The following SLC15A3 variants were observed in gnomAD, a reference collection of about 807,000 sequenced individuals.
SLC15A3 encodes the protein osteoclast transporter.
A neutral mutation model predicts 49.2 loss-of-function variants in SLC15A3; 39 were observed. The observed-to-expected ratio is 0.79, with a 90% CI of 0.61 to 1.04. The LOEUF is 1.04. Ranked by LOEUF, SLC15A3 falls within the 50% of genes least tolerant of loss-of-function variation. The pLI, the probability that SLC15A3 is intolerant of heterozygous loss-of-function variation, is 0.00. For synonymous variants in SLC15A3, 339 were observed against 367.0 expected, an observed-to-expected ratio of 0.92 and a Z score of 0.87; for missense variants, 758 against 794.8, an observed-to-expected ratio of 0.95 and a Z score of 0.56.
At chr11:60,946,313 C>G (rs559006550) in intron 2 of SLC15A3, among the ~76,000 whole-genome samples, 3 of 150,984 alleles carry the variant, frequency 2.0e-5, no homozygotes, top group Non-Finnish European at 3.0e-5. Context: ...ACATTCTGTA[C>G]GTAGATGGCA....
chr11:60,947,454 CAGGCGTGA>C (rs1366589495), intron 1 of SLC15A3, among the ~76,000 whole-genome samples: 27 of 152,250 alleles, frequency 1.8e-4, no homozygotes, highest in Non-Finnish European at 3.1e-4. Flanking sequence ...TCTGGGATTA[CAGGCGTGA>C]GCCATCGCGC....
Position 60,937,376 on chromosome 11 carries a change from G to C in SLC15A3, c.1592-3C>G. On this transcript the variant is annotated splice_region_variant and splice_polypyrimidine_tract_variant and intron_variant, in intron 7 of 7. Transcript: ENST00000227880. ...CATCCGGCAATTGTTGATGTTCCCT[G>C]GGGAAAGGAGGGGTTAGATTTGGGT... 2 of 1,614,034 alleles carry C rather than the reference G, an allele frequency of 1.2e-6. No individual in the cohort carries two copies. The highest frequency in any genetic ancestry group is 1.7e-6 in the Non-Finnish European group (2 of 1,179,986).
intron 6 of SLC15A3, among the ~76,000 whole-genome samples, chr11:60,938,526 T>C (rs1369067591): frequency 2.0e-5 from 3 of 152,036 alleles, no homozygotes; most frequent in Admixed American, 2.0e-4. Context: ...GCCAGGAGCA[T>C]CAGTCTAAAG....
chr11:60,950,373 G>T (rs1159916961), intron 1 of SLC15A3, among the ~76,000 whole-genome samples: 3 of 152,216 alleles, frequency 2.0e-5, no homozygotes, highest in African/African-American at 7.2e-5. Flanking sequence ...TTAATGCCAT[G>T]AAACCTCTCA....
In SLC15A3 at chr11:60,943,827, T is replaced by C. The variant is rs373196833; in HGVS notation, c.858A>G (p.Gln286=). Residue 286 remains glutamine, a synonymous_variant, in exon 3 of 8, where the codon CAA becomes CAG. Coordinates refer to ENST00000227880, the MANE Select transcript of SLC15A3 (RefSeq NM_016582.3). ...LWQRHSARDR[Q]CARVLADERS... is the part of the protein sequence containing the mutation. ...TCTCGTCGGCCAGCACGCGGGCACA[T>C]TGACGGTCTCTGTGAGACCCCAGAG... 53 of 1,586,618 alleles carry C rather than the reference T, an allele frequency of 3.3e-5. No homozygotes were observed. The African/African-American group carries it at 4.1e-4, about 12-fold the overall frequency.
chr11:60,947,952 G>A (rs893071576), intron 1 of SLC15A3: 2 of 152,122 alleles, frequency 1.3e-5, no homozygotes, highest in African/African-American at 4.8e-5. Context: ...AGGACTAGGG[G>A]CCATTTCAAT....
intron 1 of SLC15A3, among the ~76,000 whole-genome samples, chr11:60,950,327 GCTC>G (rs1372138481): frequency 6.6e-6 from 1 of 152,204 alleles, no homozygotes; most frequent in African/African-American, 2.4e-5. Flanking sequence ...CCTTTACTCG[GCTC>G]CTCGACCCTC....
chr11:60,939,530 A>T lies in SLC15A3; in HGVS notation c.1385T>A (p.Ile462Asn). Residue 462 changes from isoleucine to asparagine, a missense_variant, in exon 6 of 8, where the codon ATC (isoleucine) becomes AAC (asparagine). By Grantham distance (149) the Ile-to-Asn change is moderately radical (BLOSUM62 -3). Transcript: ENST00000227880. ...GATCCCAATGAGCAGGTACTGAGGG[A>T]TCTGCCACCAGATGGACAGTGGTGC... The part of the protein sequence containing the change: ...NAAPLSIWWQ[I>N]PQYLLIGISE... The T allele has an allele frequency of 1.2e-6, 2 of 1,614,192 alleles. No individual in the cohort carries two copies. Among genetic ancestry groups the T allele is most frequent in the South Asian group, 1.1e-5 (1 of 91,088 alleles).
chr11:60,937,884 C>A lies in SLC15A3; in HGVS notation c.1577G>T (p.Cys526Phe). The change falls in exon 7 of 8, where the codon TGC becomes TTC. Residue 526 changes from cysteine to phenylalanine, a missense_variant. This residue lies in a region of SLC15A3 where 699 missense variants were observed against 706.7 expected (regional missense o/e 0.99). Coordinates refer to ENST00000227880, the MANE Select transcript of SLC15A3 (RefSeq NM_016582.3). ...LLSLPGGWLH[C>F]PKDFGNINNC... The stretch of plus-strand genomic sequence containing the variant: ...CCCATACTCACCAAAGTCCTTGGGG[C>A]AGTGCAGCCAGCCCCCGGGCAAGGA... 1 of 1,614,072 alleles carries A rather than the reference C, an allele frequency of 6.2e-7. No homozygotes were observed. Among genetic ancestry groups the A allele is most frequent in the Non-Finnish European group, 8.5e-7 (1 of 1,179,934 alleles).
intron 1 of SLC15A3, among the ~76,000 whole-genome samples, chr11:60,949,197 G>A (rs936845333): frequency 6.6e-6 from 1 of 151,982 alleles, no homozygotes; most frequent in South Asian, 2.1e-4. Context: ...ACTAGCCAGC[G>A]TGGTAGCGGG....
rs1856914681 is a variant in SLC15A3 at position 60,951,237 on chromosome 11, C to T, written c.315G>A (p.Ala105=). The T allele has an allele frequency of 3.3e-6, 5 of 1,510,938 alleles. No homozygotes were observed. Among genetic ancestry groups the T allele is most frequent in the East Asian group, 2.7e-5 (1 of 36,558 alleles). 93.6% of individuals were successfully genotyped at this position (1,510,938 alleles called of 1,614,324 possible). ...CGGCCAGGTAGAGCAGCAGGCTGAGCGCGACCGCGCGGTAGCGGCCCAGGT... is the reference window on the plus strand; with the variant it reads ...CGGCCAGGTAGAGCAGCAGGCTGAGTGCGACCGCGCGGTAGCGGCCCAGGT... ...DVYLGRYRAV[A]LSLLLYLAAS... Residue 105 remains alanine (A), a synonymous_variant, in exon 1 of 8, where the codon GCG becomes GCA. Coordinates refer to ENST00000227880, the MANE Select transcript of SLC15A3 (RefSeq NM_016582.3).
At chr11:60,942,189 GC>G in intron 3 of SLC15A3, 44 bp from the exon 4 acceptor site, 1 of 1,545,308 alleles carries the variant, frequency 6.5e-7, no homozygotes, top group Non-Finnish European at 8.9e-7. Flanking sequence ...AAACGGCCAT[GC>G]CCCCTCCCAA....
intron 7 of SLC15A3, 66 bp from the exon 8 acceptor site, chr11:60,937,439 C>CTTGGAG: frequency 6.3e-7 from 1 of 1,599,638 alleles, no homozygotes; most frequent in Admixed American, 1.7e-5. Context: ...CTGTGCCTGC[C>CTTGGAG]GTGTCCTAGC....
chr11:60,944,094 T>C (rs589294), intron 2 of SLC15A3, among the ~76,000 whole-genome samples: 74,173 of 152,042 alleles, frequency 0.49, 18,946 homozygotes, highest in African/African-American at 0.65. Flanking sequence ...GGGAGACGGA[T>C]GTTGCAGTGA....
chr11:60,944,808 C>G (rs554552110), intron 2 of SLC15A3, among the ~76,000 whole-genome samples: 2 of 152,130 alleles, frequency 1.3e-5, no homozygotes, highest in East Asian at 3.8e-4. Context: ...TATCAGTAGG[C>G]GACAAGATTG....
At chr11:60,946,487 C>G (rs1228667755) in intron 2 of SLC15A3, 45 bp downstream of exon 2, 1 of 1,515,804 alleles carries the variant, frequency 6.6e-7, no homozygotes, top group East Asian at 2.3e-5. Context: ...CGATCCAGCG[C>G]TTCTCCAGGC....
chr11:60,937,675 A>C (rs945915762), intron 7 of SLC15A3, 195 bp downstream of exon 7: 1 of 745,074 alleles, frequency 1.3e-6, no homozygotes, highest in Non-Finnish European at 2.2e-6. Context: ...CACTAAGTTC[A>C]ACACTTGGGG....
chr11:60,946,654 G>T lies in SLC15A3; in HGVS notation c.726C>A (p.Phe242Leu). 6.2e-7 allele frequency: 1 copy of T among 1,614,154 alleles called. No individual in the cohort carries two copies. Among genetic ancestry groups the T allele is most frequent in the Non-Finnish European group, 8.5e-7 (1 of 1,179,992 alleles). Residue 242 changes from phenylalanine to leucine, a missense_variant, in exon 2 of 8, where the codon TTC (phenylalanine) becomes TTA (leucine). By Grantham distance (22) the Phe-to-Leu change is conservative (BLOSUM62 0). Coordinates refer to ENST00000227880, the MANE Select transcript of SLC15A3 (RefSeq NM_016582.3). Reference sequence around the variant, plus strand: ...AGACGGGGGTGGCAAAGAGGAAGATGAAAAATGCCAGGCCCACACAGCCCA... The same window carrying T: ...AGACGGGGGTGGCAAAGAGGAAGATTAAAAATGCCAGGCCCACACAGCCCA... ...IPVGCVGLAF[F>L]IFLFATPVFI...
intron 4 of SLC15A3, 86 bp downstream of exon 4, chr11:60,941,949 T>C: frequency 2.3e-6 from 3 of 1,288,954 alleles, no homozygotes; most frequent in Non-Finnish European, 3.4e-6. Flanking sequence ...GAAAGGGGAG[T>C]GTGAAGGCAG....
Sources: gnomAD v4.1 joint callset for allele counts (sites outside exome capture counted in the v4.1 genomes callset) on GRCh38, gnomAD v4.1.1 for gene constraint, gnomAD v4.1.1 regional missense constraint, MANE v1.5 for transcripts, NCBI Gene and HGNC (gene_info 2026-07-23, HGNC 2026-07-21) for gene names.